FAM20C: variants seen among roughly 807,000 people sequenced by gnomAD.
FAM20C encodes the protein extracellular serine/threonine protein kinase FAM20C.
FAM20C carries 40 observed loss-of-function variants against 51.5 expected under a neutral mutation model. That is an observed-to-expected ratio of 0.78 (90% confidence interval 0.60 to 1.01). The LOEUF (loss-of-function observed/expected upper bound fraction) is 1.01. FAM20C is among the 50% of genes least tolerant of loss of function. FAM20C has a pLI of 0.00. For missense variants in FAM20C, 861 were observed against 844.7 expected (o/e 1.02, Z -0.24); for synonymous variants, 406 against 380.6 (o/e 1.07, Z -0.78).
At chr7:228,525 C>T (rs578137487) in intron 3 of FAM20C, 18 of 456,106 alleles carry the variant, frequency 3.9e-5, no homozygotes, top group Non-Finnish European at 4.8e-5. Flanking sequence ...CTGACACTGC[C>T]ATGGGGGCTG....
chr7:214,275 A>G (rs1786861284), intron 3 of FAM20C, among the ~76,000 whole-genome samples: 1 of 152,088 alleles, frequency 6.6e-6, no homozygotes, highest in Admixed American at 6.5e-5. Flanking sequence ...CAGTGAGCCG[A>G]GATCACGCCA....
chr7:240,516 GT>G (rs1787910411), intron 3 of FAM20C, among the ~76,000 whole-genome samples: 1 of 151,968 alleles, frequency 6.6e-6, no homozygotes. Flanking sequence ...TGATGATGAT[GT>G]GGAGGTGATG....
rs377634404 is a variant in FAM20C, at chr7:259,675, C to T, written c.1506-56C>T. 2.3e-5 allele frequency: 34 copies of T among 1,465,678 alleles called. No individual in the cohort carries two copies. In the Admixed American group the frequency reaches 2.4e-4, roughly 10 times the overall value. 90.8% of individuals were successfully genotyped at this position (1,465,678 alleles called of 1,614,324 possible). A position where few individuals can be genotyped will look rare whatever the true frequency, so the allele number is the denominator to read the frequency against. On this transcript the variant is annotated intron_variant, in intron 9 of 9. Coordinates refer to ENST00000313766, the MANE Select transcript of FAM20C (RefSeq NM_020223.4). Reference sequence around the variant, plus strand: ...TCCCTCTCACTTTCTCTCGCTTTCCCGTGGGCAGGCATCTCCCCTGTCCCG... The same window carrying T: ...TCCCTCTCACTTTCTCTCGCTTTCCTGTGGGCAGGCATCTCCCCTGTCCCG...
At position 255,969 on chromosome 7, in the gene FAM20C, C is replaced by T; in HGVS notation, c.1193C>T (p.Ala398Val). The change falls in exon 6 of 10, where the codon GCC becomes GTC. Residue 398 changes from alanine (A) to valine (V), a missense_variant. By Grantham distance (64) the Ala-to-Val change is moderately conservative. This residue lies in a region of FAM20C where 269 missense variants were observed against 283.8 expected (regional missense o/e 0.95). Transcript: ENST00000313766. ...GCCTTCCTGCCCGACCTGTCCCTGG[C>T]CAAGAGGAAGACCTGGCGGAACCCT... ...LAAFLPDLSL[A>V]KRKTWRNPWR... is the part of the protein sequence containing the mutation. 2 of 1,536,222 alleles carry T rather than the reference C, an allele frequency of 1.3e-6. No homozygotes were observed. The highest frequency in any genetic ancestry group is 2.7e-5 in the African/African-American group (2 of 73,176).
intron 3 of FAM20C, among the ~76,000 whole-genome samples, chr7:214,862 A>G (rs893216497): frequency 1.3e-5 from 2 of 152,134 alleles, no homozygotes; most frequent in African/African-American, 4.8e-5. Flanking sequence ...GCGGCTGCCC[A>G]TGACACTGGC....
intron 5 of FAM20C, among the ~76,000 whole-genome samples, chr7:251,883 G>A (rs1417675038): frequency 6.6e-6 from 1 of 152,172 alleles, no homozygotes; most frequent in Non-Finnish European, 1.5e-5. Flanking sequence ...CTGGACAGAC[G>A]AGTCCTTGAA....
At chr7:204,302 A>G (rs1315933351) in intron 2 of FAM20C, among the ~76,000 whole-genome samples, 1 of 152,218 alleles carries the variant, frequency 6.6e-6, no homozygotes, top group African/African-American at 2.4e-5. Flanking sequence ...GCTGGCGTTC[A>G]GGTTCTGTGC....
intron 2 of FAM20C, among the ~76,000 whole-genome samples, chr7:204,847 A>C (rs1389932811): frequency 6.6e-6 from 1 of 151,832 alleles, no homozygotes; most frequent in Non-Finnish European, 1.5e-5. Context: ...CTCAGTGTTC[A>C]GGGAGGGGAA....
At chr7:250,593 G>A (rs1180530527) in intron 5 of FAM20C, among the ~76,000 whole-genome samples, 1 of 152,052 alleles carries the variant, frequency 6.6e-6, no homozygotes, top group African/African-American at 2.4e-5. Context: ...GCTGAAACTC[G>A]CCTCCCCACC....
chr7:203,726 C>T (rs923331291), intron 2 of FAM20C, among the ~76,000 whole-genome samples: 12 of 152,188 alleles, frequency 7.9e-5, no homozygotes, highest in African/African-American at 2.7e-4. Flanking sequence ...GCTGGCCTCA[C>T]AGCTGAGCAC....
rs895290104 is a variant in FAM20C at position 253,118 on chromosome 7, G to A, written c.1073-2731G>A. On this transcript the variant is annotated intron_variant, in intron 5 of 9. Transcript: ENST00000313766. Reference sequence around the variant, plus strand: ...TCCTCAGGACTCTCTCCAGTGCTGCGTCCAGCTTAAATGCAGGTTGCAGGA... The same window carrying A: ...TCCTCAGGACTCTCTCCAGTGCTGCATCCAGCTTAAATGCAGGTTGCAGGA... Among the ~76,000 whole-genome samples, 20 of 152,304 alleles carry A rather than the reference G, an allele frequency of 1.3e-4. No homozygotes were observed. The East Asian group carries it at 1.9e-3, about 15-fold the overall frequency.
At chr7:237,845 T>TGATGGTGGTG (rs1583323562) in intron 3 of FAM20C, among the ~76,000 whole-genome samples, 61 of 762 alleles carry the variant, frequency 0.08, no homozygotes, top group South Asian at 0.17. Flanking sequence ...ATAGTGATGA[T>TGATGGTGGTG]GNNNNNNNNN....
chr7:193,967 C>T (rs1467595202), intron 1 of FAM20C, 163 bp downstream of exon 1: 1 of 1,123,036 alleles, frequency 8.9e-7, no homozygotes, highest in Non-Finnish European at 1.2e-6. Context: ...CTGCCTTTGT[C>T]TCCAGAATAA....
intron 2 of FAM20C, among the ~76,000 whole-genome samples, chr7:203,992 C>G (rs1786240040): frequency 6.6e-6 from 1 of 152,206 alleles, no homozygotes; most frequent in African/African-American, 2.4e-5. Context: ...AAAATGTAGT[C>G]ACTATTCATT....
chr7:216,542 C>G (rs1196998116), intron 3 of FAM20C, among the ~76,000 whole-genome samples: 1 of 151,866 alleles, frequency 6.6e-6, no homozygotes, highest in Non-Finnish European at 1.5e-5. Flanking sequence ...GTCCTTGATG[C>G]TGGCCGGGGA....
rs2115173194 is a variant in FAM20C, at chr7:256,779, G to T, written c.1363+16G>T. On this transcript the variant is annotated intron_variant, in intron 7 of 9. Coordinates refer to ENST00000313766, the MANE Select transcript of FAM20C (RefSeq NM_020223.4). ...TTCCTCATGGGTACGTCCCGCAGGG[G>T]CACGGGGTCCCCGTGTCACTCGCCT... is the stretch of plus-strand genomic sequence containing the variant. The T allele has an allele frequency of 2.0e-6, 3 of 1,532,930 alleles. No homozygotes were observed. The Admixed American group carries it at 5.9e-5, about 30-fold the overall frequency. 95.0% of individuals were successfully genotyped at this position (1,532,930 alleles called of 1,614,324 possible).
rs1785668251 is a variant in FAM20C, at chr7:193,374, G to T, written c.175G>T (p.Gly59Cys). ...AQPAAEVAAP[G>C]WAQVRGRPGE... ...GCCCGCCGCCGAGGTGGCCGCGCCC[G>T]GCTGGGCCCAGGTTCGGGGCCGCCC... Residue 59 changes from glycine (G) to cysteine (C), a missense_variant, in exon 1 of 10, where the codon GGC (glycine) becomes TGC (cysteine). By Grantham distance (159) the Gly-to-Cys change is radical. Coordinates refer to ENST00000313766, the MANE Select transcript of FAM20C (RefSeq NM_020223.4). The T allele has an allele frequency of 2.3e-6, 3 of 1,283,772 alleles. No individual in the cohort carries two copies. The highest frequency in any genetic ancestry group is 5.0e-5 in the South Asian group (2 of 39,946). 79.5% of individuals were successfully genotyped at this position (1,283,772 alleles called of 1,614,324 possible). A position where few individuals can be genotyped will look rare whatever the true frequency, so the allele number is the denominator to read the frequency against.
At chr7:211,128 T>G (rs1583293838) in intron 3 of FAM20C, among the ~76,000 whole-genome samples, 1 of 71,600 alleles carries the variant, frequency 1.4e-5, no homozygotes. Flanking sequence ...TCTCCCTTCC[T>G]CCTCCCCCGT....
chr7:219,840 G>C (rs956290028), intron 3 of FAM20C, among the ~76,000 whole-genome samples: 7 of 152,216 alleles, frequency 4.6e-5, no homozygotes, highest in African/African-American at 1.7e-4. Flanking sequence ...GAATTTCGAA[G>C]GATTTTCTGT....
Sources: gnomAD v4.1 joint callset for allele counts (sites outside exome capture counted in the v4.1 genomes callset) on GRCh38, gnomAD v4.1.1 for gene constraint, gnomAD v4.1.1 regional missense constraint, MANE v1.5 for transcripts, NCBI Gene and HGNC (gene_info 2026-07-23, HGNC 2026-07-21) for gene names.